BCL2: variants seen among roughly 807,000 people sequenced by gnomAD.
The protein encoded by BCL2 is BCL2 apoptosis regulator.
Under a neutral mutation model 14.2 loss-of-function variants are expected in BCL2, and 1 was observed. The observed-to-expected ratio is 0.07, with a 90% confidence interval of 0.02 to 0.33. The LOEUF (loss-of-function observed/expected upper bound fraction) is 0.33. Ranked by LOEUF, BCL2 falls within the 10% of genes least tolerant of loss-of-function variation. BCL2 has a pLI of 0.99. For synonymous variants in BCL2, 151 were observed against 137.2 expected (o/e 1.10, Z -0.70); for missense variants, 247 against 305.9 (o/e 0.81, Z 1.44).
intron 2 of BCL2, among the ~76,000 whole-genome samples, chr18:63,235,614 T>C (rs569860569): frequency 4.6e-5 from 7 of 151,626 alleles, no homozygotes; most frequent in African/African-American, 1.7e-4. Context: ...ATAATGAGCA[T>C]TGAGCATCAC....
chr18:63,304,936 A>G (rs139559811), intron 2 of BCL2, among the ~76,000 whole-genome samples: 7 of 152,366 alleles, frequency 4.6e-5, no homozygotes, highest in African/African-American at 1.7e-4. Context: ...AAGCAAAAAC[A>G]GTCACACATG....
chr18:63,146,594 G>A (rs956545851), intron 2 of BCL2, among the ~76,000 whole-genome samples: 9 of 152,214 alleles, frequency 5.9e-5, no homozygotes, highest in Non-Finnish European at 1.2e-4. Flanking sequence ...TAAAGGAGCA[G>A]AATAAAAACG....
At chr18:63,242,114 A>G (rs116219925) in intron 2 of BCL2, among the ~76,000 whole-genome samples, 695 of 61,214 alleles carry the variant, frequency 0.011, 5 homozygotes, top group African/African-American at 0.022. Context: ...ATTTCTTCTA[A>G]GAAGGAAAAA....
intron 2 of BCL2, among the ~76,000 whole-genome samples, chr18:63,167,129 A>C (rs1476886626): frequency 6.6e-6 from 1 of 152,116 alleles, no homozygotes; most frequent in Non-Finnish European, 1.5e-5. Context: ...TTTGGTGTAT[A>C]ATTCTATAAT....
intron 2 of BCL2, among the ~76,000 whole-genome samples, chr18:63,205,777 C>A (rs1424080296): frequency 6.6e-6 from 1 of 152,120 alleles, no homozygotes; most frequent in Non-Finnish European, 1.5e-5. Context: ...GCCCCGCTCC[C>A]ACCCCCTGCT....
At chr18:63,221,927 A>G (rs1410397844) in intron 2 of BCL2, among the ~76,000 whole-genome samples, 1 of 152,208 alleles carries the variant, frequency 6.6e-6, no homozygotes, top group African/African-American at 2.4e-5. Flanking sequence ...GATCTCCAGA[A>G]AAGACAAACA....
chr18:63,217,036 C>T (rs1313208859), intron 2 of BCL2, among the ~76,000 whole-genome samples: 2 of 152,206 alleles, frequency 1.3e-5, no homozygotes, highest in African/African-American at 4.8e-5. Flanking sequence ...GATTCTCTGA[C>T]TCGAGATGAG....
At chr18:63,181,072 C>T (rs1371596475) in intron 2 of BCL2, among the ~76,000 whole-genome samples, 1 of 152,204 alleles carries the variant, frequency 6.6e-6, no homozygotes, top group Non-Finnish European at 1.5e-5. Context: ...AAATGTAAAG[C>T]TTTCAGGACA....
At position 63,125,219 on chromosome 18, in the gene BCL2, C is replaced by A; in HGVS notation, c.*3406G>T. On this transcript the variant is annotated 3_prime_UTR_variant, in exon 3 of 3. Coordinates refer to ENST00000333681, the MANE Select transcript of BCL2 (RefSeq NM_000633.3). The stretch of plus-strand genomic sequence containing the variant: ...ATCACATATAAATGGAAGGCCACAT[C>A]TGAACACAGAGAGGTAAGTGAGCTG... 4.4e-6 allele frequency: 1 copy of A among 225,984 alleles called. No individual in the cohort carries two copies. The allele number at this position is 225,984 out of a possible 1,614,324, so 14.0% of individuals were successfully genotyped here.
Position 63,291,726 on chromosome 18 carries a change from C to CTT in BCL2, c.585+26354_585+26355dup, listed in dbSNP as rs11426842. ...GGCCCTGGAGTACTCATGAGTATTT[C>CTT]TTTTTTTTTTTTTCTCAATAAAGCG... On this transcript the variant is annotated intron_variant, in intron 2 of 2. Coordinates refer to ENST00000333681, the MANE Select transcript of BCL2 (RefSeq NM_000633.3). 2.7e-3 allele frequency among the ~76,000 whole-genome samples: 396 copies of CTT among 146,124 alleles called. 1 individual carries two copies. The highest frequency in any genetic ancestry group is 6.9e-3 in the Middle Eastern group (2 of 288).
chr18:63,218,755 C>A, intron 2 of BCL2, among the ~76,000 whole-genome samples: 1 of 138,804 alleles, frequency 7.2e-6, no homozygotes, highest in Non-Finnish European at 1.6e-5. Flanking sequence ...ATCCTCCACT[C>A]ATCCCCCTCT....
chr18:63,189,997 TACGTC>T (rs1253870765), intron 2 of BCL2, among the ~76,000 whole-genome samples: 1 of 152,186 alleles, frequency 6.6e-6, no homozygotes, highest in African/African-American at 2.4e-5. Context: ...CTAACCAGAA[TACGTC>T]ACTCTTCTAG....
intron 2 of BCL2, among the ~76,000 whole-genome samples, chr18:63,258,289 C>A (rs1016682515): frequency 2.6e-5 from 4 of 152,158 alleles, no homozygotes; most frequent in African/African-American, 7.2e-5. Flanking sequence ...ACCCAGTTTA[C>A]GGTATTTTGT....
chr18:63,163,638 T>G (rs902614056), intron 2 of BCL2, among the ~76,000 whole-genome samples: 2 of 152,218 alleles, frequency 1.3e-5, no homozygotes, highest in Admixed American at 6.5e-5. Context: ...GAATAATGTA[T>G]TGGATATTCA....
At chr18:63,167,653 C>T (rs191754098) in intron 2 of BCL2, among the ~76,000 whole-genome samples, 9 of 152,044 alleles carry the variant, frequency 5.9e-5, no homozygotes, top group Non-Finnish European at 2.9e-5. Flanking sequence ...GTTGGCTGGG[C>T]GTGGTGGCTC....
In BCL2 at chr18:63,297,935, C is replaced by T. The variant is rs544527084; in HGVS notation, c.585+20147G>A. Reference sequence around the variant, plus strand: ...CAGATGAGCACGTGTCCCTGGGATCCGTATTCCTGTGAAATCATTTGCATT... The same window carrying T: ...CAGATGAGCACGTGTCCCTGGGATCTGTATTCCTGTGAAATCATTTGCATT... On this transcript the variant is annotated intron_variant, in intron 2 of 2. Transcript: ENST00000333681. 8.9e-4 allele frequency among the ~76,000 whole-genome samples: 136 copies of T among 152,258 alleles called. 1 individual carries two copies. The Middle Eastern group carries it at 0.014, about 15-fold the overall frequency.
intron 2 of BCL2, among the ~76,000 whole-genome samples, chr18:63,207,354 A>C (rs1043797670): frequency 9.2e-5 from 14 of 152,222 alleles, no homozygotes; most frequent in African/African-American, 3.4e-4. Context: ...ATGCTTCATA[A>C]GTGTTTGTTG....
intron 2 of BCL2, among the ~76,000 whole-genome samples, chr18:63,235,870 C>CTATATA (rs552414659): frequency 6.6e-6 from 1 of 150,808 alleles, no homozygotes; most frequent in Non-Finnish European, 1.5e-5. Flanking sequence ...TATCCTTAAA[C>CTATATA]TATATATATA....
chr18:63,181,973 C>A (rs1243607053), intron 2 of BCL2, among the ~76,000 whole-genome samples: 1 of 152,152 alleles, frequency 6.6e-6, no homozygotes, highest in Non-Finnish European at 1.5e-5. Context: ...CAGGCACCTG[C>A]TGGGGGGCAC....
Sources: gnomAD v4.1 joint callset for allele counts (sites outside exome capture counted in the v4.1 genomes callset) on GRCh38, gnomAD v4.1.1 for gene constraint, MANE v1.5 for transcripts, NCBI Gene and HGNC (gene_info 2026-07-23, HGNC 2026-07-21) for gene names.